ZNF317: variants seen among roughly 807,000 people sequenced by gnomAD.
ZNF317 encodes KRAB-containing zinc finger protein 317.
In ZNF317, 17 loss-of-function variants were observed where a neutral mutation model predicts 23.4. The observed-to-expected ratio is 0.73, with a 90% CI of 0.50 to 1.09. ZNF317 has a LOEUF of 1.09. Ranked by LOEUF, ZNF317 falls within the 50% of genes least tolerant of loss-of-function variation. The pLI, the probability that ZNF317 is intolerant of heterozygous loss-of-function variation, is 0.00. For missense variants in ZNF317, 679 were observed against 796.7 expected (o/e 0.85, Z 1.78); for synonymous variants, 317 against 314.9 (o/e 1.01, Z -0.07).
chr19:9,157,176 G>A, intron 3 of ZNF317, 92 bp from the exon 4 acceptor site: 1 of 1,504,094 alleles, frequency 6.6e-7, no homozygotes, highest in Non-Finnish European at 9.0e-7. Context: ...CCTGTGTTGG[G>A]TCTCTCATGC....
Position 9,161,219 on chromosome 19 carries a change from C to T in ZNF317, c.1574C>T (p.Thr525Met), listed in dbSNP as rs1424258784. ...CTGAAGACGCACATGCGAAGCCACA[C>T]GGGGGAGAAACCGTACGAATGCGAT... ...STLKTHMRSH[T>M]GEKPYECDHC... The change falls in exon 7 of 7, where the codon ACG becomes ATG. Residue 525 changes from threonine (T) to methionine (M), a missense_variant. By Grantham distance (81) the Thr-to-Met change is moderately conservative. Coordinates refer to ENST00000247956, the MANE Select transcript of ZNF317 (RefSeq NM_020933.5). This position sits in a 1 kb window ranked among gnomAD's most constrained non-coding sequence, Gnocchi z 4.0. 1.9e-6 allele frequency: 3 copies of T among 1,614,212 alleles called. No individual in the cohort carries two copies. Among genetic ancestry groups the T allele is most frequent in the African/African-American group, 1.3e-5 (1 of 75,052 alleles).
rs1477811115 is a variant in ZNF317 at position 9,161,001 on chromosome 19, G to T, written c.1356G>T (p.Gly452=). Residue 452 remains glycine (G), a synonymous_variant, in exon 7 of 7, where the codon GGG becomes GGT. Coordinates refer to ENST00000247956, the MANE Select transcript of ZNF317 (RefSeq NM_020933.5). This position sits in a 1 kb window ranked among gnomAD's most constrained non-coding sequence, Gnocchi z 4.0. ...GEKPYGCDLC[G]KAFSASSNLT... Reference sequence around the variant, plus strand: ...AACCATACGGGTGCGATCTCTGCGGGAAAGCTTTCAGCGCGAGTTCAAACC... The same window carrying T: ...AACCATACGGGTGCGATCTCTGCGGTAAAGCTTTCAGCGCGAGTTCAAACC... 6.2e-7 allele frequency: 1 copy of T among 1,614,206 alleles called. No homozygotes were observed. The highest frequency in any genetic ancestry group is 1.7e-4 in the Middle Eastern group (1 of 6,060).
intron 5 of ZNF317, 52 bp downstream of exon 5, chr19:9,158,127 G>T: frequency 6.6e-7 from 1 of 1,515,452 alleles, no homozygotes; most frequent in South Asian, 1.3e-5. Context: ...TCTATTCAGT[G>T]ACTGGGGTGG....
chr19:9,155,135 G>T (rs1203359230), intron 1 of ZNF317, among the ~76,000 whole-genome samples: 1 of 151,872 alleles, frequency 6.6e-6, no homozygotes, highest in Admixed American at 6.6e-5. Context: ...TCTTTTTCAG[G>T]TGTATGCATT....
chr19:9,147,782 G>A (rs2050699244), intron 1 of ZNF317, among the ~76,000 whole-genome samples: 1 of 152,094 alleles, frequency 6.6e-6, no homozygotes, highest in South Asian at 2.1e-4. Flanking sequence ...TTGTATTCAT[G>A]GCCACCAGTT....
Position 9,160,322 on chromosome 19 carries a change from A to G in ZNF317, c.677A>G (p.Gln226Arg). The part of the protein sequence containing the change: ...YDGRKMHECH[Q>R]CQKAFTTSAS... ...GGGAGAAAAATGCATGAATGTCATC[A>G]GTGCCAAAAAGCCTTCACCACGAGC... Residue 226 changes from glutamine (Q) to arginine (R), a missense_variant, in exon 7 of 7, where the codon CAG becomes CGG. Physicochemically the swap from Gln to Arg is conservative, Grantham distance 43. Transcript: ENST00000247956. This position sits in a 1 kb window ranked among gnomAD's most constrained non-coding sequence, Gnocchi z 6.8. The G allele has an allele frequency of 6.2e-7, 1 of 1,614,224 alleles. No homozygotes were observed. The highest frequency in any genetic ancestry group is 8.5e-7 in the Non-Finnish European group (1 of 1,180,042).
At chr19:9,146,403 G>A (rs2050683411) in intron 1 of ZNF317, among the ~76,000 whole-genome samples, 1 of 148,672 alleles carries the variant, frequency 6.7e-6, no homozygotes, top group Non-Finnish European at 1.5e-5. Flanking sequence ...TATATATATT[G>A]TATATATTAT....
intron 1 of ZNF317, among the ~76,000 whole-genome samples, chr19:9,144,236 C>T (rs560389072): frequency 6.6e-6 from 1 of 152,258 alleles, no homozygotes; most frequent in East Asian, 1.9e-4. Flanking sequence ...CTCCCAACCT[C>T]AGGTGATCCA....
intron 1 of ZNF317, 86 bp downstream of exon 1, chr19:9,140,678 G>A: frequency 2.4e-6 from 1 of 415,616 alleles, no homozygotes; most frequent in South Asian, 1.7e-5. Flanking sequence ...AAGAGGGTAC[G>A]AGGGTCGGGG....
In ZNF317 at chr19:9,160,622, G is replaced by A; in HGVS notation, c.977G>A (p.Arg326Lys). The A allele has an allele frequency of 6.2e-7, 1 of 1,614,022 alleles. No homozygotes were observed. The highest frequency in any genetic ancestry group is 8.5e-7 in the Non-Finnish European group (1 of 1,180,010). The change falls in exon 7 of 7, where the codon AGA becomes AAA. Residue 326 changes from arginine (R) to lysine (K), a missense_variant. Transcript: ENST00000247956. The surrounding 1 kb of genome is among the most constrained non-coding windows in gnomAD (Gnocchi z 6.8). ...GRSCHLIAHKRTHTGERPYEC... is the reference protein window; with the variant it reads ...GRSCHLIAHKKTHTGERPYEC... ...AGCTGCCACCTCATCGCACACAAGA[G>A]AACGCACACCGGAGAGAGGCCCTAC...
chr19:9,159,770 CT>C (rs2050826728), intron 6 of ZNF317, among the ~76,000 whole-genome samples: 1 of 152,110 alleles, frequency 6.6e-6, no homozygotes, highest in Admixed American at 6.5e-5. Flanking sequence ...TGGTCTCGAA[CT>C]CCTGACCTCA....
chr19:9,142,303 TTTTG>T (rs150909741), intron 1 of ZNF317, among the ~76,000 whole-genome samples: 10,927 of 151,964 alleles, frequency 0.072, 405 homozygotes, highest in Middle Eastern at 0.13. Flanking sequence ...AAATTGTCTT[TTTTG>T]TTTGTTTGTT....
chr19:9,156,526 A>G (rs1417411209), intron 2 of ZNF317, 86 bp from the exon 3 acceptor site: 4 of 1,500,144 alleles, frequency 2.7e-6, no homozygotes, highest in Non-Finnish European at 3.6e-6. Context: ...ACTCAGAATC[A>G]GTGTGGAGCA....
chr19:9,157,768 C>T (rs532524419), intron 4 of ZNF317: 29 of 1,311,618 alleles, frequency 2.2e-5, no homozygotes, highest in Admixed American at 2.2e-4. Flanking sequence ...GCTACAGGCA[C>T]GAGCCACCAT....
At position 9,160,326 on chromosome 19, in the gene ZNF317, C is replaced by T. The variant is rs2050834901; in HGVS notation, c.681C>T (p.Cys227=). ...GAAAAATGCATGAATGTCATCAGTG[C>T]CAAAAAGCCTTCACCACGAGCGCGT... is the stretch of plus-strand genomic sequence containing the variant. ...DGRKMHECHQ[C]QKAFTTSASL... The change falls in exon 7 of 7, where the codon TGC becomes TGT. Residue 227 remains cysteine (C), a synonymous_variant. Coordinates refer to ENST00000247956, the MANE Select transcript of ZNF317 (RefSeq NM_020933.5). This position sits in a 1 kb window ranked among gnomAD's most constrained non-coding sequence, Gnocchi z 6.8. 6.2e-7 allele frequency: 1 copy of T among 1,614,174 alleles called. No individual in the cohort carries two copies. The highest frequency in any genetic ancestry group is 2.2e-5 in the East Asian group (1 of 44,876).
At position 9,161,546 on chromosome 19, in the gene ZNF317, T is replaced by A; in HGVS notation, c.*113T>A. 1 of 1,458,468 alleles carries A rather than the reference T, an allele frequency of 6.9e-7. No homozygotes were observed. Among genetic ancestry groups the A allele is most frequent in the East Asian group, 2.3e-5 (1 of 43,670 alleles). The allele number at this position is 1,458,468 out of a possible 1,614,324, so 90.3% of individuals were successfully genotyped here. On this transcript the variant is annotated 3_prime_UTR_variant, in exon 7 of 7. Coordinates refer to ENST00000247956, the MANE Select transcript of ZNF317 (RefSeq NM_020933.5). This position sits in a 1 kb window ranked among gnomAD's most constrained non-coding sequence, Gnocchi z 4.0. ...CTGGGTGCAAAAGAATCCACGGAAC[T>A]TGGGAGAAGTCCAGTTCCTGTAAAA...
At chr19:9,145,226 G>C (rs1263348978) in intron 1 of ZNF317, among the ~76,000 whole-genome samples, 1 of 152,116 alleles carries the variant, frequency 6.6e-6, no homozygotes. Flanking sequence ...TGTATTTTTA[G>C]TAAAGACAAG....
In ZNF317 at chr19:9,160,457, C is replaced by T. The variant is rs1301693088; in HGVS notation, c.812C>T (p.Thr271Ile). 2.5e-6 allele frequency: 4 copies of T among 1,613,786 alleles called. No individual in the cohort carries two copies. The highest frequency in any genetic ancestry group is 2.2e-5 in the East Asian group (1 of 44,842). Reference sequence around the variant, plus strand: ...TCAGCCCTTAGGAGCCACGCAAGAACTCACCTCAAAGAGAAGCCCTTTGAC... The same window carrying T: ...TCAGCCCTTAGGAGCCACGCAAGAATTCACCTCAAAGAGAAGCCCTTTGAC... ...DPSALRSHAR[T>I]HLKEKPFDCS... The change falls in exon 7 of 7, where the codon ACT becomes ATT. Residue 271 changes from threonine (T) to isoleucine (I), a missense_variant. Coordinates refer to ENST00000247956, the MANE Select transcript of ZNF317 (RefSeq NM_020933.5). The surrounding 1 kb of genome is among the most constrained non-coding windows in gnomAD (Gnocchi z 6.8).
rs748079444 is a variant in ZNF317, at chr19:9,160,993, C to T, written c.1348C>T (p.Leu450Phe). ...TGGAGAGAAACCATACGGGTGCGATCTCTGCGGGAAAGCTTTCAGCGCGAG... is the reference window on the plus strand; with the variant it reads ...TGGAGAGAAACCATACGGGTGCGATTTCTGCGGGAAAGCTTTCAGCGCGAG... ...HTGEKPYGCD[L>F]CGKAFSASSN... The change falls in exon 7 of 7, where the codon CTC becomes TTC. Residue 450 changes from leucine to phenylalanine, a missense_variant. Coordinates refer to ENST00000247956, the MANE Select transcript of ZNF317 (RefSeq NM_020933.5). The surrounding 1 kb of genome is among the most constrained non-coding windows in gnomAD (Gnocchi z 6.8). The T allele has an allele frequency of 6.2e-7, 1 of 1,614,158 alleles. No individual in the cohort carries two copies. Among genetic ancestry groups the T allele is most frequent in the Non-Finnish European group, 8.5e-7 (1 of 1,180,030 alleles).
Sources: allele counts gnomAD v4.1 joint callset (sites outside exome capture counted in the v4.1 genomes callset), GRCh38; gene constraint gnomAD v4.1.1; non-coding constraint Gnocchi (gnomAD v3.1); transcripts MANE v1.5; gene names NCBI Gene and HGNC (gene_info 2026-07-23, HGNC 2026-07-21).